BMP6: variants seen among roughly 807,000 people sequenced by gnomAD.
BMP6 encodes the protein VG-1-R.
Under a neutral mutation model 54.1 loss-of-function variants are expected in BMP6, and 17 were observed. The ratio of observed to expected loss-of-function variants is 0.31; its 90% CI spans 0.22 to 0.47. The LOEUF (loss-of-function observed/expected upper bound fraction) is 0.47. Among genes scored for constraint, BMP6 ranks in the 20% least tolerant of loss-of-function variants. The probability of loss-of-function intolerance (pLI) is 1.00; values close to 1 mark genes in which losing one functional copy is unlikely to be tolerated. For missense variants in BMP6, 720 were observed against 690.4 expected (o/e 1.04, Z -0.48); for synonymous variants, 328 against 291.2 (o/e 1.13, Z -1.28).
chr6:7,771,045 T>A (rs1416022936), intron 1 of BMP6, among the ~76,000 whole-genome samples: 1 of 152,228 alleles, frequency 6.6e-6, no homozygotes, highest in Non-Finnish European at 1.5e-5. Flanking sequence ...TGGGTATAAC[T>A]GAGTAGAATC....
intron 1 of BMP6, among the ~76,000 whole-genome samples, chr6:7,836,582 A>G (rs983776363): frequency 1.3e-5 from 2 of 152,184 alleles, no homozygotes; most frequent in Non-Finnish European, 2.9e-5. Flanking sequence ...TGAAGGGTGC[A>G]TGGGGCTTCT....
chr6:7,771,377 C>G (rs555794552), intron 1 of BMP6, among the ~76,000 whole-genome samples: 1 of 152,286 alleles, frequency 6.6e-6, no homozygotes, highest in Admixed American at 6.5e-5. Context: ...GCTGCTGTGC[C>G]TAGAGTTGTT....
Position 7,879,927 on chromosome 6 carries a change from A to C in BMP6, c.1282-64A>C, listed in dbSNP as rs1048225396. ...AAAATACCTTTTCACAGCATTCCTG[A>C]AAAGCACAAATAGTGTGAGAAGTGC... On this transcript the variant is annotated intron_variant, in intron 5 of 6. Transcript: ENST00000283147. The C allele has an allele frequency of 6.0e-6, 9 of 1,505,922 alleles. No homozygotes were observed. The African/African-American group carries it at 1.1e-4, about 18-fold the overall frequency. The allele number at this position is 1,505,922 out of a possible 1,614,324, so 93.3% of individuals were successfully genotyped here.
At chr6:7,733,682 C>T (rs917388836) in intron 1 of BMP6, among the ~76,000 whole-genome samples, 6 of 152,188 alleles carry the variant, frequency 3.9e-5, no homozygotes, top group South Asian at 2.1e-4. Context: ...ATCACGACAG[C>T]GGAGTTAACT....
At chr6:7,734,955 T>A (rs1471976749) in intron 1 of BMP6, among the ~76,000 whole-genome samples, 2 of 152,218 alleles carry the variant, frequency 1.3e-5, no homozygotes, top group African/African-American at 4.8e-5. Flanking sequence ...TGATGACTGA[T>A]CCTCCTGCTG....
chr6:7,797,464 G>A (rs922801982), intron 1 of BMP6, among the ~76,000 whole-genome samples: 4 of 152,296 alleles, frequency 2.6e-5, no homozygotes, highest in South Asian at 2.1e-4. Context: ...GAAAAGTTAA[G>A]GTTAGCAATC....
intron 1 of BMP6, among the ~76,000 whole-genome samples, chr6:7,779,068 C>T (rs901015490): frequency 6.6e-6 from 1 of 152,192 alleles, no homozygotes; most frequent in Non-Finnish European, 1.5e-5. Context: ...CTGTGCCTTT[C>T]GGGAAGCAGT....
intron 1 of BMP6, among the ~76,000 whole-genome samples, chr6:7,785,646 G>T (rs145451582): frequency 6.6e-6 from 1 of 152,150 alleles, no homozygotes; most frequent in South Asian, 2.1e-4. Flanking sequence ...TAGAAGGAAC[G>T]TGAGGAGCAG....
At chr6:7,820,435 C>T (rs779647509) in intron 1 of BMP6, among the ~76,000 whole-genome samples, 2 of 152,208 alleles carry the variant, frequency 1.3e-5, no homozygotes, top group African/African-American at 4.8e-5. Context: ...TTCTGGCTCT[C>T]GGGACTTGCT....
intron 2 of BMP6, among the ~76,000 whole-genome samples, chr6:7,846,178 A>C (rs977255907): frequency 6.6e-6 from 1 of 152,200 alleles, no homozygotes; most frequent in Admixed American, 6.5e-5. Context: ...TCTGGCAATT[A>C]TATGGCAGCT....
intron 1 of BMP6, among the ~76,000 whole-genome samples, chr6:7,799,085 G>T (rs936842555): frequency 7.2e-5 from 11 of 152,148 alleles, no homozygotes; most frequent in African/African-American, 2.7e-4. Flanking sequence ...TTCCAACATA[G>T]AACATGAAAA....
Position 7,880,804 on chromosome 6 carries a change from G to C in BMP6, c.*461G>C, listed in dbSNP as rs1424315107. 1 of 187,464 alleles carries C rather than the reference G, an allele frequency of 5.3e-6. No homozygotes were observed. The highest frequency in any genetic ancestry group is 1.2e-4 in the East Asian group (1 of 8,156). 11.6% of individuals were successfully genotyped at this position (187,464 alleles called of 1,614,324 possible). On this transcript the variant is annotated 3_prime_UTR_variant, in exon 7 of 7. Transcript: ENST00000283147. ...CAGAGAACAGAAATCGGGGAAGTGGGGGGAACGCCTCTGTTCAGTTCATTC... is the reference window on the plus strand; with the variant it reads ...CAGAGAACAGAAATCGGGGAAGTGGCGGGAACGCCTCTGTTCAGTTCATTC...
intron 1 of BMP6, among the ~76,000 whole-genome samples, chr6:7,801,949 C>A (rs1216545854): frequency 6.6e-6 from 1 of 152,156 alleles, no homozygotes; most frequent in African/African-American, 2.4e-5. Context: ...GAGACATAGG[C>A]ACTGCCCAGA....
At chr6:7,728,373 G>C (rs1424095990) in intron 1 of BMP6, among the ~76,000 whole-genome samples, 2 of 152,206 alleles carry the variant, frequency 1.3e-5, no homozygotes, top group Non-Finnish European at 2.9e-5. Context: ...AAGGGTGCGG[G>C]GTAGGGGCCG....
chr6:7,775,304 C>T (rs934538893), intron 1 of BMP6, among the ~76,000 whole-genome samples: 7 of 152,130 alleles, frequency 4.6e-5, no homozygotes, highest in Non-Finnish European at 8.8e-5. Flanking sequence ...TATAAATTCT[C>T]TCTCCTTTGC....
intron 1 of BMP6, among the ~76,000 whole-genome samples, chr6:7,807,804 C>T (rs1437092504): frequency 1.3e-5 from 2 of 151,998 alleles, no homozygotes; most frequent in African/African-American, 4.8e-5. Context: ...CCTTCCATTA[C>T]ACTTCAGGTA....
rs148435962 is a variant in BMP6, at chr6:7,759,915, G to A, written c.664+32296G>A. ...GATGGGGTTTCACCACATTGGCCAGGCTAGTCTCAGAACTCCTGACCTCAG... is the reference window on the plus strand; with the variant it reads ...GATGGGGTTTCACCACATTGGCCAGACTAGTCTCAGAACTCCTGACCTCAG... On this transcript the variant is annotated intron_variant, in intron 1 of 6. Transcript: ENST00000283147. Among the ~76,000 whole-genome samples, 384 of 151,668 alleles carry A rather than the reference G, an allele frequency of 2.5e-3. 7 individuals carry two copies. The highest frequency in any genetic ancestry group is 0.022 in the East Asian group (114 of 5,158).
intron 4 of BMP6, among the ~76,000 whole-genome samples, chr6:7,869,406 C>T (rs1759484329): frequency 6.6e-6 from 1 of 152,242 alleles, no homozygotes; most frequent in African/African-American, 2.4e-5. Context: ...ATGGAATTAA[C>T]CCAGATGTTA....
intron 4 of BMP6, among the ~76,000 whole-genome samples, chr6:7,868,564 C>T (rs994333811): frequency 6.6e-6 from 1 of 152,232 alleles, no homozygotes; most frequent in Non-Finnish European, 1.5e-5. Flanking sequence ...CTTTAACGAC[C>T]TCTATGTGGC....
Sources: gnomAD v4.1 joint callset for allele counts (sites outside exome capture counted in the v4.1 genomes callset) on GRCh38, gnomAD v4.1.1 for gene constraint, MANE v1.5 for transcripts, NCBI Gene and HGNC (gene_info 2026-07-23, HGNC 2026-07-21) for gene names.